The following PTPRG variants were observed in gnomAD, a reference collection of about 807,000 sequenced individuals.
PTPRG encodes the protein receptor-type tyrosine-protein phosphatase gamma.
Under a neutral mutation model 165.3 loss-of-function variants are expected in PTPRG, and 102 were observed. The ratio of observed to expected loss-of-function variants is 0.62; its 90% confidence interval spans 0.53 to 0.73. The LOEUF (loss-of-function observed/expected upper bound fraction) is 0.73. Ranked by LOEUF, PTPRG falls within the 30% of genes least tolerant of loss-of-function variation. The pLI, the probability that PTPRG is intolerant of heterozygous loss-of-function variation, is 0.00. For missense variants in PTPRG, 1,866 were observed against 1,861.4 expected (o/e 1.00, Z -0.05); for synonymous variants, 675 against 669.5 (o/e 1.01, Z -0.13).
intron 5 of PTPRG, among the ~76,000 whole-genome samples, chr3:62,090,033 A>G (rs909654110): frequency 6.6e-6 from 1 of 152,218 alleles, no homozygotes; most frequent in African/African-American, 2.4e-5. Context: ...CTTTGGTTAT[A>G]ACAGAGGACT....
At chr3:62,150,347 C>G (rs1470990093) in intron 6 of PTPRG, among the ~76,000 whole-genome samples, 1 of 152,180 alleles carries the variant, frequency 6.6e-6, no homozygotes, top group Non-Finnish European at 1.5e-5. Flanking sequence ...GATGTAGGAA[C>G]CCTTTGATAC....
intron 8 of PTPRG, among the ~76,000 whole-genome samples, chr3:62,183,492 A>G (rs1210920876): frequency 6.6e-6 from 1 of 150,994 alleles, no homozygotes; most frequent in Non-Finnish European, 1.5e-5. Flanking sequence ...TGAATCCAGG[A>G]GGCAGAGGTT....
intron 2 of PTPRG, among the ~76,000 whole-genome samples, chr3:61,943,251 C>T (rs1000531013): frequency 4.6e-5 from 7 of 152,128 alleles, no homozygotes; most frequent in Admixed American, 2.6e-4. Context: ...GGAATTTTGC[C>T]ATATCAGTTG....
chr3:62,211,273 C>T (rs1185009202), intron 12 of PTPRG, among the ~76,000 whole-genome samples: 3 of 152,166 alleles, frequency 2.0e-5, no homozygotes, highest in African/African-American at 7.2e-5. Flanking sequence ...ACAAGTAATA[C>T]ATGATTCCAC....
At chr3:61,575,939 G>T (rs563414232) in intron 1 of PTPRG, among the ~76,000 whole-genome samples, 32 of 152,102 alleles carry the variant, frequency 2.1e-4, no homozygotes, top group Non-Finnish European at 3.8e-4. Flanking sequence ...TTTATAAATG[G>T]TACCTGTTTT....
intron 5 of PTPRG, among the ~76,000 whole-genome samples, chr3:62,084,576 G>A (rs1472073392): frequency 1.3e-5 from 2 of 152,104 alleles, no homozygotes; most frequent in South Asian, 4.1e-4. Context: ...TCTCCATCTG[G>A]AGAGGCTTAG....
chr3:62,258,445 T>C (rs114843462), intron 16 of PTPRG, among the ~76,000 whole-genome samples: 443 of 152,282 alleles, frequency 2.9e-3, no homozygotes, highest in African/African-American at 0.01. Context: ...AAATAAGTGC[T>C]ATTGTACAGG....
chr3:61,749,721 A>G (rs1010953508), intron 2 of PTPRG: 4 of 154,174 alleles, frequency 2.6e-5, no homozygotes, highest in South Asian at 2.0e-4. Context: ...TGGAAAATGT[A>G]TTAAAGCTAA....
At chr3:61,961,249 A>G (rs2040146123) in intron 2 of PTPRG, among the ~76,000 whole-genome samples, 1 of 152,110 alleles carries the variant, frequency 6.6e-6, no homozygotes, top group South Asian at 2.1e-4. Flanking sequence ...GTTTCCAGAA[A>G]CATGGATTCA....
intron 2 of PTPRG, among the ~76,000 whole-genome samples, chr3:61,981,308 A>G (rs1471990614): frequency 2.0e-5 from 3 of 152,200 alleles, no homozygotes. Context: ...TGACATTTGG[A>G]TGGGGACATA....
At chr3:61,588,750 G>A (rs981777807) in intron 1 of PTPRG, among the ~76,000 whole-genome samples, 12 of 152,102 alleles carry the variant, frequency 7.9e-5, no homozygotes, top group African/African-American at 2.7e-4. Flanking sequence ...CCGGCCCTAG[G>A]AGGGATAAAT....
intron 1 of PTPRG, among the ~76,000 whole-genome samples, chr3:61,713,905 A>G (rs2031689058): frequency 6.6e-6 from 1 of 152,244 alleles, no homozygotes; most frequent in Non-Finnish European, 1.5e-5. Flanking sequence ...GCATTAAAGC[A>G]TTTGTTGTAA....
chr3:61,735,540 T>C (rs887397670), intron 1 of PTPRG, among the ~76,000 whole-genome samples: 85 of 152,180 alleles, frequency 5.6e-4, no homozygotes, highest in African/African-American at 1.9e-3. Flanking sequence ...TTTTTTTTTT[T>C]TTTTTCTTTG....
intron 1 of PTPRG, among the ~76,000 whole-genome samples, chr3:61,628,122 C>CT (rs1240725664): frequency 2.0e-5 from 3 of 152,192 alleles, no homozygotes; most frequent in South Asian, 2.1e-4. Context: ...CTTTCATGCT[C>CT]TAAGTATATG....
chr3:61,562,116 GCGCTC>G lies in PTPRG; in HGVS notation c.-171_-167del. Reference sequence around the variant, plus strand: ...GTCACTTTTTGAGATTTTCCGGGGGGCGCTCGGCGGCTTCCCGGATTCCAAGGGGA... The same window carrying G: ...GTCACTTTTTGAGATTTTCCGGGGGGGGCGGCTTCCCGGATTCCAAGGGGA... On this transcript the variant is annotated 5_prime_UTR_variant, in exon 1 of 30. Coordinates refer to ENST00000474889, the MANE Select transcript of PTPRG (RefSeq NM_002841.4). 2 of 588,144 alleles carry G rather than the reference GCGCTC, an allele frequency of 3.4e-6. No individual in the cohort carries two copies. Among genetic ancestry groups the G allele is most frequent in the Non-Finnish European group, 3.0e-6 (1 of 330,996 alleles). The allele number at this position is 588,144 out of a possible 1,614,324, so 36.4% of individuals were successfully genotyped here.
At chr3:61,944,773 A>G (rs2039714946) in intron 2 of PTPRG, among the ~76,000 whole-genome samples, 1 of 152,218 alleles carries the variant, frequency 6.6e-6, no homozygotes, top group African/African-American at 2.4e-5. Context: ...GGTTCTTTTT[A>G]AAGAAATTAC....
At chr3:61,748,782 G>T (rs768036444) in intron 1 of PTPRG, 96 bp from the exon 2 acceptor site, 27 of 901,044 alleles carry the variant, frequency 3.0e-5, no homozygotes, top group Non-Finnish European at 4.6e-5. Flanking sequence ...CAAGGACTAT[G>T]ATTCTACGAA....
chr3:61,961,847 G>A (rs1008569830), intron 2 of PTPRG, among the ~76,000 whole-genome samples: 2 of 152,146 alleles, frequency 1.3e-5, no homozygotes, highest in Non-Finnish European at 2.9e-5. Context: ...AGAAACTCTG[G>A]GGTGTGTGCC....
At chr3:61,676,445 A>G (rs1195639538) in intron 1 of PTPRG, among the ~76,000 whole-genome samples, 15 of 129,024 alleles carry the variant, frequency 1.2e-4, no homozygotes, top group African/African-American at 4.3e-4. Flanking sequence ...CGACAGAGCC[A>G]GACTCCATCT....
Sources: allele counts gnomAD v4.1 joint callset (sites outside exome capture counted in the v4.1 genomes callset), GRCh38; gene constraint gnomAD v4.1.1; transcripts MANE v1.5; gene names NCBI Gene and HGNC (gene_info 2026-07-23, HGNC 2026-07-21).